FAM135B: variants seen among roughly 807,000 people sequenced by gnomAD.
The protein encoded by FAM135B is family with sequence similarity 135 member B.
In FAM135B, 43 loss-of-function variants were observed where a neutral mutation model predicts 127.7. That is an observed-to-expected ratio of 0.34 (90% CI 0.26 to 0.43). The LOEUF (loss-of-function observed/expected upper bound fraction) is 0.43, where lower values mean the gene tolerates loss of function less well. FAM135B is among the 20% of genes least tolerant of loss of function. The pLI is 1.00. For missense variants in FAM135B, 1,558 were observed against 1,725.6 expected, an observed-to-expected ratio of 0.90 and a Z score of 1.72; for synonymous variants, 670 against 665.1, an observed-to-expected ratio of 1.01 and a Z score of -0.11.
At chr8:138,393,905 T>C (rs914457378) in intron 1 of FAM135B, among the ~76,000 whole-genome samples, 8 of 152,142 alleles carry the variant, frequency 5.3e-5, no homozygotes, top group African/African-American at 1.7e-4. Flanking sequence ...CCACAAGCAC[T>C]CCATATGCCT....
At position 138,152,742 on chromosome 8, in the gene FAM135B, C is replaced by T. The variant is rs57534956; in HGVS notation, c.1733G>A (p.Ser578Asn). ...TCCATACTTATCTCTAGAGCTCCTA[C>T]TCTCATGCTGAGCATTGAAGGCCAC... is the stretch of plus-strand genomic sequence containing the variant. ...PLVAFNAQHE[S>N]RSSRDKYGLD... Residue 578 changes from serine (S) to asparagine (N), a missense_variant, in exon 13 of 20, where the codon AGT becomes AAT. Physicochemically the swap from Ser to Asn is conservative, Grantham distance 46 (BLOSUM62 1). This residue lies in a region of FAM135B where 923 missense variants were observed against 865.3 expected (regional missense o/e 1.07). Transcript: ENST00000395297. The T allele has an allele frequency of 1.4e-3, 2,273 of 1,614,186 alleles. 23 individuals carry two copies. The African/African-American group carries it at 0.027, about 19-fold the overall frequency.
intron 11 of FAM135B, among the ~76,000 whole-genome samples, chr8:138,177,002 T>C (rs1814534979): frequency 6.6e-6 from 1 of 152,228 alleles, no homozygotes; most frequent in African/African-American, 2.4e-5. Flanking sequence ...AGGCAAATTC[T>C]GTGTTTTTTC....
At chr8:138,298,872 C>T (rs933830536) in intron 3 of FAM135B, among the ~76,000 whole-genome samples, 12 of 151,884 alleles carry the variant, frequency 7.9e-5, no homozygotes, top group African/African-American at 2.9e-4. Flanking sequence ...GGGTAACAGT[C>T]CTGCTCACAG....
chr8:138,408,244 G>A (rs1833647052), intron 1 of FAM135B, among the ~76,000 whole-genome samples: 1 of 152,106 alleles, frequency 6.6e-6, no homozygotes, highest in African/African-American at 2.4e-5. Context: ...CTATAAGGCT[G>A]TTTATATCTA....
At chr8:138,246,493 A>T (rs1419540064) in intron 6 of FAM135B, among the ~76,000 whole-genome samples, 1 of 152,146 alleles carries the variant, frequency 6.6e-6, no homozygotes, top group Non-Finnish European at 1.5e-5. Context: ...CAAGCCTTGG[A>T]AGCCTCTACT....
Position 138,226,845 on chromosome 8 carries a change from T to C in FAM135B, c.669+16097A>G, listed in dbSNP as rs553132680. Among the ~76,000 whole-genome samples, 8 of 152,012 alleles carry C rather than the reference T, an allele frequency of 5.3e-5. No individual in the cohort carries two copies. In the East Asian group the frequency reaches 1.6e-3, roughly 30 times the overall value. ...CCAAAGTGCTGGGATTAAAGGCGTG[T>C]GCCACCACACCGAGCTAATTTTTAT... On this transcript the variant is annotated intron_variant, in intron 7 of 19. Coordinates refer to ENST00000395297, the MANE Select transcript of FAM135B (RefSeq NM_015912.4).
intron 3 of FAM135B, among the ~76,000 whole-genome samples, chr8:138,279,236 C>A (rs1824075686): frequency 6.6e-6 from 1 of 152,220 alleles, no homozygotes; most frequent in Non-Finnish European, 1.5e-5. Flanking sequence ...GCATTTTGCA[C>A]CAGCTCTTGT....
At chr8:138,206,341 C>A (rs73437643) in intron 7 of FAM135B, among the ~76,000 whole-genome samples, 5,680 of 13,100 alleles carry the variant, frequency 0.43, 1,672 homozygotes, top group Middle Eastern at 0.69. Context: ...CTCCACCTAC[C>A]CACAACTCCA....
chr8:138,171,159 T>C (rs1336733792), intron 11 of FAM135B, among the ~76,000 whole-genome samples: 1 of 152,150 alleles, frequency 6.6e-6, no homozygotes, highest in African/African-American at 2.4e-5. Context: ...ACTGAGCCAA[T>C]TGTCCTAATA....
At chr8:138,254,639 T>TGGCAATG (rs1554645420) in intron 5 of FAM135B, among the ~76,000 whole-genome samples, 2 of 152,212 alleles carry the variant, frequency 1.3e-5, no homozygotes, top group African/African-American at 4.8e-5. Context: ...GAACAAGTCC[T>TGGCAATG]GGCAATGGGA....
chr8:138,266,539 C>G (rs1434770542), intron 3 of FAM135B, among the ~76,000 whole-genome samples: 2 of 151,690 alleles, frequency 1.3e-5, no homozygotes, highest in East Asian at 3.9e-4. Flanking sequence ...CTCCAAATTA[C>G]TTAACACATA....
Position 138,146,264 on chromosome 8 carries a change from C to T in FAM135B, c.3449-214G>A, listed in dbSNP as rs79691084. On this transcript the variant is annotated intron_variant, in intron 14 of 19. Coordinates refer to ENST00000395297, the MANE Select transcript of FAM135B (RefSeq NM_015912.4). ...ACACTCAGAGTCTGGTTCTTTCTAG[C>T]GGTCCCACCTCGATAGAGTTATCCC... 1.8e-4 allele frequency among the ~76,000 whole-genome samples: 27 copies of T among 152,236 alleles called. No homozygotes were observed. In the East Asian group the frequency reaches 3.3e-3, roughly 18 times the overall value.
chr8:138,267,981 A>G (rs1823073334), intron 3 of FAM135B, among the ~76,000 whole-genome samples: 2 of 152,208 alleles, frequency 1.3e-5, no homozygotes, highest in Admixed American at 6.5e-5. Context: ...TATAAGCCAG[A>G]ATGACAATGT....
intron 1 of FAM135B, among the ~76,000 whole-genome samples, chr8:138,421,745 C>A (rs1834523233): frequency 6.6e-6 from 1 of 152,120 alleles, no homozygotes; most frequent in African/African-American, 2.4e-5. Context: ...CTATTTTTAT[C>A]AAACTACCAA....
chr8:138,294,016 A>G (rs1279861946), intron 3 of FAM135B, among the ~76,000 whole-genome samples: 2 of 152,316 alleles, frequency 1.3e-5, no homozygotes, highest in East Asian at 1.9e-4. Context: ...TCAACCAATG[A>G]GTAGGTAAAG....
chr8:138,217,952 G>T (rs895634275), intron 7 of FAM135B, among the ~76,000 whole-genome samples: 2 of 152,110 alleles, frequency 1.3e-5, no homozygotes, highest in Non-Finnish European at 2.9e-5. Flanking sequence ...TAAATGTAAG[G>T]AATTCTTATT....
chr8:138,322,024 G>A (rs903843392), intron 2 of FAM135B, among the ~76,000 whole-genome samples: 1 of 152,158 alleles, frequency 6.6e-6, no homozygotes, highest in Non-Finnish European at 1.5e-5. Context: ...AGGGAACCAC[G>A]GAAGGAACAA....
intron 12 of FAM135B, among the ~76,000 whole-genome samples, chr8:138,165,122 AT>A (rs5895498): frequency 0.34 from 48,222 of 142,290 alleles, 9,013 homozygotes; most frequent in East Asian, 0.7. Flanking sequence ...TATTTAATTG[AT>A]TTTTTTTTTT....
intron 17 of FAM135B, 43 bp from the exon 18 acceptor site, chr8:138,139,139 A>C (rs1816912152): frequency 7.9e-7 from 1 of 1,258,516 alleles, no homozygotes; most frequent in Non-Finnish European, 1.2e-6. Context: ...ACACAAAACA[A>C]AACAAAAACT....
Sources: gnomAD v4.1 joint callset for allele counts (sites outside exome capture counted in the v4.1 genomes callset) on GRCh38, gnomAD v4.1.1 for gene constraint, gnomAD v4.1.1 regional missense constraint, MANE v1.5 for transcripts, NCBI Gene and HGNC (gene_info 2026-07-23, HGNC 2026-07-21) for gene names.